ST6GALNAC5: variants seen among roughly 807,000 people sequenced by gnomAD.
ST6GALNAC5 encodes the protein ST6 N-acetylgalactosaminide alpha-2,6-sialyltransferase 5.
In ST6GALNAC5, 27 loss-of-function variants were observed where a neutral mutation model predicts 33.6. The observed-to-expected ratio is 0.80, with a 90% confidence interval of 0.59 to 1.11. The LOEUF (loss-of-function observed/expected upper bound fraction) is 1.11. Ranked by LOEUF, ST6GALNAC5 falls within the 50% of genes least tolerant of loss-of-function variation. ST6GALNAC5 has a pLI of 0.00. For synonymous variants in ST6GALNAC5, 194 were observed against 171.2 expected, an observed-to-expected ratio of 1.13 and a Z score of -1.04; for missense variants, 428 against 454.0, an observed-to-expected ratio of 0.94 and a Z score of 0.52.
At chr1:76,875,856 G>A (rs1653626569) in intron 2 of ST6GALNAC5, among the ~76,000 whole-genome samples, 1 of 152,100 alleles carries the variant, frequency 6.6e-6, no homozygotes, top group Admixed American at 6.6e-5. Context: ...CACCTAGTTG[G>A]CATTGTAATT....
At position 77,065,721 on chromosome 1, in the gene ST6GALNAC5, A is replaced by G. The variant is rs572717046; in HGVS notation, c.*2515A>G. On this transcript the variant is annotated 3_prime_UTR_variant, in exon 5 of 5. Transcript: ENST00000477717. ...AAACTCTGATATAAAAGATGACTAC[A>G]GAACCATGTTTATAGACCTCGGTGA... The G allele has an allele frequency of 1.3e-5, 2 of 152,374 alleles. No homozygotes were observed. The highest frequency in any genetic ancestry group is 4.8e-5 in the African/African-American group (2 of 41,598). The allele number at this position is 152,374 out of a possible 1,614,324, so 9.4% of individuals were successfully genotyped here.
intron 2 of ST6GALNAC5, among the ~76,000 whole-genome samples, chr1:77,005,201 T>C (rs932239240): frequency 2.0e-5 from 3 of 152,256 alleles, no homozygotes; most frequent in African/African-American, 7.2e-5. Flanking sequence ...TGGTGCGCCA[T>C]TTTTTAAGCT....
intron 2 of ST6GALNAC5, among the ~76,000 whole-genome samples, chr1:77,015,841 A>G (rs776972180): frequency 6.6e-6 from 1 of 152,042 alleles, no homozygotes; most frequent in South Asian, 2.1e-4. Context: ...CACAGGCAAA[A>G]GGTTAGAGGC....
At chr1:76,892,705 T>A (rs1654039575) in intron 2 of ST6GALNAC5, among the ~76,000 whole-genome samples, 1 of 152,262 alleles carries the variant, frequency 6.6e-6, no homozygotes, top group South Asian at 2.1e-4. Context: ...AGAGGAAATT[T>A]GGGAAAGAAG....
chr1:76,939,366 T>G (rs925147210), intron 2 of ST6GALNAC5, among the ~76,000 whole-genome samples: 1 of 152,026 alleles, frequency 6.6e-6, no homozygotes, highest in African/African-American at 2.4e-5. Flanking sequence ...CAAGAGAAGA[T>G]TACTCACAGC....
At chr1:76,938,647 G>A (rs775121952) in intron 2 of ST6GALNAC5, among the ~76,000 whole-genome samples, 7 of 152,012 alleles carry the variant, frequency 4.6e-5, no homozygotes, top group Non-Finnish European at 7.4e-5. Context: ...TAAATGCTCC[G>A]TGTGGTTCAT....
At position 77,018,700 on chromosome 1, in the gene ST6GALNAC5, G is replaced by A. The variant is rs538682423; in HGVS notation, c.262-25504G>A. Among the ~76,000 whole-genome samples, 134 of 152,272 alleles carry A rather than the reference G, an allele frequency of 8.8e-4. No individual in the cohort carries two copies. In the South Asian group the frequency reaches 0.026, roughly 30 times the overall value. ...AACCTCTTTAAAGCCTCAGTTTTCC[G>A]ACCTGTCATTGAGAAGAATGAAGTA... On this transcript the variant is annotated intron_variant, in intron 2 of 4. Coordinates refer to ENST00000477717, the MANE Select transcript of ST6GALNAC5 (RefSeq NM_030965.3).
intron 2 of ST6GALNAC5, among the ~76,000 whole-genome samples, chr1:77,010,867 A>C (rs1650609243): frequency 6.6e-6 from 1 of 152,268 alleles, no homozygotes. Flanking sequence ...TAAATTCACC[A>C]GTTCTCCTGA....
chr1:76,907,622 C>G (rs1304457132), intron 2 of ST6GALNAC5, among the ~76,000 whole-genome samples: 1 of 152,176 alleles, frequency 6.6e-6, no homozygotes, highest in Non-Finnish European at 1.5e-5. Flanking sequence ...CCCACATCAT[C>G]TCACTCTTTG....
intron 2 of ST6GALNAC5, among the ~76,000 whole-genome samples, chr1:76,967,772 G>A (rs180931830): frequency 7.9e-5 from 12 of 152,206 alleles, no homozygotes; most frequent in Admixed American, 5.2e-4. Context: ...AGAGATTCTG[G>A]TACATTGTGT....
rs1263019004 is a variant in ST6GALNAC5, at chr1:77,065,761, T to A, written c.*2555T>A. 47 of 152,192 alleles carry A rather than the reference T, an allele frequency of 3.1e-4. 1 individual carries two copies. The highest frequency in any genetic ancestry group is 4.4e-5 in the Non-Finnish European group (3 of 68,030). The allele number at this position is 152,192 out of a possible 1,614,324, so 9.4% of individuals were successfully genotyped here. On this transcript the variant is annotated 3_prime_UTR_variant, in exon 5 of 5. Coordinates refer to ENST00000477717, the MANE Select transcript of ST6GALNAC5 (RefSeq NM_030965.3). ...GACCTCGGTGATTTCAGTATCTGAT[T>A]GTGTTTGATGCCTAAGTCATACTCG...
At chr1:76,875,579 C>T (rs114502361) in intron 2 of ST6GALNAC5, among the ~76,000 whole-genome samples, 5,910 of 152,206 alleles carry the variant, frequency 0.039, 197 homozygotes, top group African/African-American at 0.087. Context: ...ATTGTTGTGT[C>T]TCCAGATGGC....
At chr1:77,037,970 C>T (rs972082407) in intron 2 of ST6GALNAC5, among the ~76,000 whole-genome samples, 9 of 152,162 alleles carry the variant, frequency 5.9e-5, no homozygotes, top group African/African-American at 2.2e-4. Flanking sequence ...CAAAGCTTCC[C>T]TTTGAGTTTG....
chr1:77,044,408 C>A lies in ST6GALNAC5; in HGVS notation c.466C>A (p.Arg156Ser), dbSNP rs755409104. The A allele has an allele frequency of 2.5e-6, 4 of 1,613,222 alleles. No homozygotes were observed. The Admixed American group carries it at 6.7e-5, about 27-fold the overall frequency. ...HSSIQRILRN[R>S]HDLLNVSQGT... ...CAGCATCCAGAGGATCCTCCGCAACCGCCATGACCTGCTCAACGTGAGCCA... is the reference window on the plus strand; with the variant it reads ...CAGCATCCAGAGGATCCTCCGCAACAGCCATGACCTGCTCAACGTGAGCCA... The change falls in exon 3 of 5, where the codon CGC (arginine) becomes AGC (serine). Residue 156 changes from arginine (R) to serine (S), a missense_variant. Arg to Ser is a moderately radical substitution (Grantham distance 110, BLOSUM62 -1). Transcript: ENST00000477717.
chr1:76,930,575 A>T (rs1333328059), intron 2 of ST6GALNAC5, among the ~76,000 whole-genome samples: 1 of 152,052 alleles, frequency 6.6e-6, no homozygotes, highest in Non-Finnish European at 1.5e-5. Context: ...TAATTTCATT[A>T]CTCTCTAGTA....
intron 2 of ST6GALNAC5, among the ~76,000 whole-genome samples, chr1:76,998,095 C>T (rs150859190): frequency 0.026 from 3,914 of 152,242 alleles, 59 homozygotes; most frequent in Middle Eastern, 0.034. Context: ...CACAGCTATG[C>T]GGAACTACGA....
At chr1:76,885,556 G>T (rs1177783052) in intron 2 of ST6GALNAC5, among the ~76,000 whole-genome samples, 1 of 152,220 alleles carries the variant, frequency 6.6e-6, no homozygotes, top group Non-Finnish European at 1.5e-5. Context: ...TGGTTTAAAG[G>T]AGGGGATGGC....
intron 2 of ST6GALNAC5, among the ~76,000 whole-genome samples, chr1:76,942,492 C>G (rs1647372699): frequency 6.6e-6 from 1 of 152,012 alleles, no homozygotes; most frequent in African/African-American, 2.4e-5. Context: ...TTCATTTGGT[C>G]TATGGAGATA....
intron 2 of ST6GALNAC5, among the ~76,000 whole-genome samples, chr1:76,948,360 G>C (rs984510181): frequency 1.3e-5 from 2 of 152,146 alleles, no homozygotes; most frequent in African/African-American, 4.8e-5. Context: ...TGGCTTAACA[G>C]CCAGCTCTGT....
Sources: allele counts gnomAD v4.1 joint callset (sites outside exome capture counted in the v4.1 genomes callset), GRCh38; gene constraint gnomAD v4.1.1; transcripts MANE v1.5; gene names NCBI Gene and HGNC (gene_info 2026-07-23, HGNC 2026-07-21).